HS3ST4: variants seen among roughly 807,000 people sequenced by gnomAD.
HS3ST4 encodes the protein heparan sulfate-glucosamine 3-sulfotransferase 4.
In HS3ST4, 17 loss-of-function variants were observed where a neutral mutation model predicts 29.2. That is an observed-to-expected ratio of 0.58 (90% confidence interval 0.40 to 0.87). The LOEUF (loss-of-function observed/expected upper bound fraction) is 0.87, where lower values mean the gene tolerates loss of function less well. Among genes scored for constraint, HS3ST4 ranks in the 40% least tolerant of loss-of-function variants. HS3ST4 has a pLI of 0.00. For synonymous variants in HS3ST4, 314 were observed against 285.7 expected (o/e 1.10, Z -1.00); for missense variants, 627 against 634.5 (o/e 0.99, Z 0.13).
intron 1 of HS3ST4, among the ~76,000 whole-genome samples, chr16:25,753,697 TAC>T (rs1479883485): frequency 2.6e-5 from 4 of 152,330 alleles, no homozygotes; most frequent in Admixed American, 6.5e-5. Context: ...AATGGTAACA[TAC>T]AGTTTCCTGC....
intron 1 of HS3ST4, among the ~76,000 whole-genome samples, chr16:25,765,277 T>A (rs1217590226): frequency 1.3e-5 from 2 of 152,234 alleles, no homozygotes; most frequent in Non-Finnish European, 2.9e-5. Flanking sequence ...TTCTCAAAGG[T>A]ACTCCTGTTC....
In HS3ST4 at chr16:25,713,929, C is replaced by T. The variant is rs372009992; in HGVS notation, c.734+20778C>T. The stretch of plus-strand genomic sequence containing the variant: ...TGCTACCTCTGTTGTCTCTCTTCCT[C>T]CCAAGCTGCTAGGACTCCGTGGCAT... On this transcript the variant is annotated intron_variant, in intron 1 of 1. Transcript: ENST00000331351. Among the ~76,000 whole-genome samples the T allele has an allele frequency of 1.5e-4, 23 of 152,250 alleles. No individual in the cohort carries two copies. The East Asian group carries it at 4.1e-3, about 27-fold the overall frequency.
chr16:25,692,832 T>C lies in HS3ST4; in HGVS notation c.415T>C (p.Trp139Arg). The C allele has an allele frequency of 7.2e-7, 1 of 1,397,760 alleles. No homozygotes were observed. The highest frequency in any genetic ancestry group is 9.2e-7 in the Non-Finnish European group (1 of 1,082,122). 86.6% of individuals were successfully genotyped at this position (1,397,760 alleles called of 1,614,324 possible). Residue 139 changes from tryptophan (W) to arginine (R), a missense_variant, in exon 1 of 2, where the codon TGG becomes CGG. By Grantham distance (101) the Trp-to-Arg change is moderately radical. This residue lies in a region of HS3ST4 where 402 missense variants were observed against 340.8 expected (regional missense o/e 1.18). Transcript: ENST00000331351. ...CGGCGGCGGAGGCGCCCAGGACGCC[T>C]GGCTCCGGACCCCGCTGGCCCCCAG... ...PSGGGGAQDAWLRTPLAPSEM... is the reference protein window; with the variant it reads ...PSGGGGAQDARLRTPLAPSEM...
At chr16:25,899,211 A>T (rs1421324256) in intron 1 of HS3ST4, among the ~76,000 whole-genome samples, 3 of 152,222 alleles carry the variant, frequency 2.0e-5, no homozygotes, top group Non-Finnish European at 2.9e-5. Context: ...TTCTGTATAA[A>T]GTCTTCCTCA....
chr16:25,719,359 A>G (rs535071408), intron 1 of HS3ST4, among the ~76,000 whole-genome samples: 1 of 150,142 alleles, frequency 6.7e-6, no homozygotes, highest in East Asian at 2.0e-4. Flanking sequence ...CTTGATCTAA[A>G]TAAGAAGACA....
intron 1 of HS3ST4, among the ~76,000 whole-genome samples, chr16:26,019,350 A>G (rs1969389349): frequency 6.6e-6 from 1 of 152,136 alleles, no homozygotes; most frequent in African/African-American, 2.4e-5. Context: ...AAAAATGGTA[A>G]TATGCTGGTA....
At chr16:26,110,195 G>A (rs1210799947) in intron 1 of HS3ST4, among the ~76,000 whole-genome samples, 1 of 152,020 alleles carries the variant, frequency 6.6e-6, no homozygotes, top group Non-Finnish European at 1.5e-5. Context: ...TGTCCTCCAG[G>A]TTCATCCATG....
intron 1 of HS3ST4, among the ~76,000 whole-genome samples, chr16:25,804,992 C>G (rs562811864): frequency 6.6e-6 from 1 of 152,058 alleles, no homozygotes; most frequent in South Asian, 2.1e-4. Flanking sequence ...GGTACCCCAA[C>G]CTCAGGTGGG....
At chr16:26,111,473 A>C (rs1899128474) in intron 1 of HS3ST4, among the ~76,000 whole-genome samples, 1 of 151,866 alleles carries the variant, frequency 6.6e-6, no homozygotes, top group African/African-American at 2.4e-5. Context: ...ATTTAAAAAC[A>C]CAGGCAAAAA....
chr16:26,136,527 G>A lies in HS3ST4; in HGVS notation c.*279G>A, dbSNP rs1898286143. The A allele has an allele frequency of 1.5e-5, 7 of 482,304 alleles. No homozygotes were observed. Among genetic ancestry groups the A allele is most frequent in the Admixed American group, 3.8e-5 (1 of 26,380 alleles). 29.9% of individuals were successfully genotyped at this position (482,304 alleles called of 1,614,324 possible). ...TTCTTATCTTCTGCTAGTTAATATAGCCTGAAGACAGAGGATAAATAGTTG... is the reference window on the plus strand; with the variant it reads ...TTCTTATCTTCTGCTAGTTAATATAACCTGAAGACAGAGGATAAATAGTTG... On this transcript the variant is annotated 3_prime_UTR_variant, in exon 2 of 2. Transcript: ENST00000331351.
At position 25,706,005 on chromosome 16, in the gene HS3ST4, G is replaced by A. The variant is rs139106665; in HGVS notation, c.734+12854G>A. On this transcript the variant is annotated intron_variant, in intron 1 of 1. Transcript: ENST00000331351. ...AGGGAGTACCTGAAATACAGGACAA[G>A]CACTCTTATAAAGTTAGATTAAGAG... is the stretch of plus-strand genomic sequence containing the variant. Among the ~76,000 whole-genome samples the A allele has an allele frequency of 3.3e-4, 51 of 152,304 alleles. 1 individual carries two copies. The highest frequency in any genetic ancestry group is 1.2e-3 in the African/African-American group (50 of 41,570).
chr16:25,974,540 A>C (rs1968926127), intron 1 of HS3ST4, among the ~76,000 whole-genome samples: 1 of 152,172 alleles, frequency 6.6e-6, no homozygotes. Flanking sequence ...AAAGGAAGAC[A>C]CTAGATCCTT....
intron 1 of HS3ST4, among the ~76,000 whole-genome samples, chr16:25,751,915 T>G (rs1365739439): frequency 6.6e-6 from 1 of 152,098 alleles, no homozygotes; most frequent in Non-Finnish European, 1.5e-5. Flanking sequence ...TGTTGTACAT[T>G]AGATTGTTTT....
At chr16:25,948,223 C>T (rs1478207117) in intron 1 of HS3ST4, among the ~76,000 whole-genome samples, 1 of 152,062 alleles carries the variant, frequency 6.6e-6, no homozygotes, top group African/African-American at 2.4e-5. Context: ...GGCAACAGCC[C>T]ATAACCAAAC....
At chr16:25,795,841 A>T (rs1393750262) in intron 1 of HS3ST4, among the ~76,000 whole-genome samples, 2 of 152,128 alleles carry the variant, frequency 1.3e-5, no homozygotes, top group Non-Finnish European at 2.9e-5. Flanking sequence ...ATCACCCTCT[A>T]CGTGTCCCAA....
At chr16:26,103,679 C>T (rs1209651553) in intron 1 of HS3ST4, among the ~76,000 whole-genome samples, 1 of 152,162 alleles carries the variant, frequency 6.6e-6, no homozygotes, top group East Asian at 1.9e-4. Context: ...ATCTCCCCAG[C>T]TTAATTAATC....
chr16:25,882,612 A>C (rs1231186649), intron 1 of HS3ST4, among the ~76,000 whole-genome samples: 1 of 152,058 alleles, frequency 6.6e-6, no homozygotes, highest in East Asian at 1.9e-4. Context: ...TTCTACTGAA[A>C]CTATCATCAC....
At position 25,853,295 on chromosome 16, in the gene HS3ST4, A is replaced by AGT. The variant is rs71272469; in HGVS notation, c.734+160161_734+160162dup. Among the ~76,000 whole-genome samples, 999 of 143,926 alleles carry AGT rather than the reference A, an allele frequency of 6.9e-3. 6 individuals are homozygous for AGT. The highest frequency in any genetic ancestry group is 0.014 in the Middle Eastern group (4 of 278). 94.4% of individuals were successfully genotyped at this position (143,926 alleles called of 152,430 possible). ...ACAGATTTTTGGTGAAATCTTTGTG[A>AGT]GTGTGTGTGTGTGTGTGTATATATA... On this transcript the variant is annotated intron_variant, in intron 1 of 1. Transcript: ENST00000331351.
At chr16:25,717,510 G>GT (rs1966462398) in intron 1 of HS3ST4, among the ~76,000 whole-genome samples, 1 of 132,830 alleles carries the variant, frequency 7.5e-6, no homozygotes, top group Non-Finnish European at 1.6e-5. Context: ...AAGGTGAAGG[G>GT]GTGTGTGTGT....
Sources: allele counts gnomAD v4.1 joint callset (sites outside exome capture counted in the v4.1 genomes callset), GRCh38; gene constraint gnomAD v4.1.1; regional missense constraint gnomAD v4.1.1; transcripts MANE v1.5; gene names NCBI Gene and HGNC (gene_info 2026-07-23, HGNC 2026-07-21).